The following IMMP2L variants were observed in gnomAD, a reference collection of about 807,000 sequenced individuals.
IMMP2L encodes mitochondrial inner membrane protease subunit 2.
IMMP2L carries 18 observed loss-of-function variants against 19.3 expected under a neutral mutation model. The ratio of observed to expected loss-of-function variants is 0.93; its 90% confidence interval spans 0.64 to 1.38. IMMP2L has a LOEUF of 1.38. Ranked by LOEUF, IMMP2L falls within the 40% of genes most tolerant of loss-of-function variation. The probability of loss-of-function intolerance (pLI) is 0.00; values close to 1 mark genes in which losing one functional copy is unlikely to be tolerated. For missense variants in IMMP2L, 233 were observed against 218.2 expected (o/e 1.07, Z -0.43); for synonymous variants, 76 against 73.0 (o/e 1.04, Z -0.21).
intron 3 of IMMP2L, among the ~76,000 whole-genome samples, chr7:111,344,730 A>G (rs994101541): frequency 9.8e-5 from 15 of 152,326 alleles, no homozygotes; most frequent in African/African-American, 3.4e-4. Flanking sequence ...CCGTTCATAC[A>G]TAAGTTACCT....
chr7:111,268,493 A>G (rs1358871825), intron 3 of IMMP2L, among the ~76,000 whole-genome samples: 1 of 149,770 alleles, frequency 6.7e-6, no homozygotes, highest in East Asian at 1.9e-4. Flanking sequence ...CTAATAAAAA[A>G]AAAAAAAAAA....
chr7:111,186,723 G>A (rs1400577612), intron 3 of IMMP2L, among the ~76,000 whole-genome samples: 5 of 152,060 alleles, frequency 3.3e-5, no homozygotes, highest in African/African-American at 1.2e-4. Flanking sequence ...GAGCCACCGT[G>A]CCCAGCCTCT....
chr7:110,964,576 T>C (rs1449607658), intron 3 of IMMP2L, among the ~76,000 whole-genome samples: 1 of 152,034 alleles, frequency 6.6e-6, no homozygotes, highest in Non-Finnish European at 1.5e-5. Flanking sequence ...AATTTTAACT[T>C]AGAGTAATAC....
chr7:110,833,455 AAG>A (rs1554431167), intron 5 of IMMP2L, among the ~76,000 whole-genome samples: 1,584 of 131,558 alleles, frequency 0.012, 256 homozygotes, highest in African/African-American at 0.022. Flanking sequence ...AAAAAAAAAA[AAG>A]AGAGAGAGAG....
At chr7:111,328,112 T>TA (rs1171546405) in intron 3 of IMMP2L, among the ~76,000 whole-genome samples, 1 of 151,762 alleles carries the variant, frequency 6.6e-6, no homozygotes, top group African/African-American at 2.4e-5. Context: ...GATCCAATCT[T>TA]ACTCAGAGAA....
At chr7:110,674,350 T>G (rs1423395480) in intron 5 of IMMP2L, among the ~76,000 whole-genome samples, 2 of 152,060 alleles carry the variant, frequency 1.3e-5, no homozygotes, top group African/African-American at 4.8e-5. Context: ...GAACTATAAT[T>G]CAAGATATGA....
At chr7:111,169,661 T>G (rs1185659724) in intron 3 of IMMP2L, among the ~76,000 whole-genome samples, 1 of 151,912 alleles carries the variant, frequency 6.6e-6, no homozygotes, top group Non-Finnish European at 1.5e-5. Flanking sequence ...CCCTGCTTTA[T>G]AAGAACACAG....
chr7:111,290,827 A>ACAC (rs1821020011), intron 3 of IMMP2L, among the ~76,000 whole-genome samples: 1 of 135,016 alleles, frequency 7.4e-6, no homozygotes, highest in African/African-American at 2.7e-5. Context: ...TATATATACA[A>ACAC]ACACACACAC....
chr7:111,439,542 GA>G (rs906591973), intron 3 of IMMP2L, among the ~76,000 whole-genome samples: 1 of 151,348 alleles, frequency 6.6e-6, no homozygotes. Context: ...TTGCATTATG[GA>G]AAAAAAAGTA....
intron 3 of IMMP2L, among the ~76,000 whole-genome samples, chr7:111,051,075 C>T (rs1225644754): frequency 1.3e-5 from 2 of 152,132 alleles, no homozygotes; most frequent in Admixed American, 6.5e-5. Context: ...AAGGTCAAGG[C>T]TGCAGTGAGC....
intron 3 of IMMP2L, among the ~76,000 whole-genome samples, chr7:111,147,106 A>G (rs1803559612): frequency 6.6e-6 from 1 of 152,032 alleles, no homozygotes; most frequent in South Asian, 2.1e-4. Flanking sequence ...CTTGTTTTAG[A>G]GACTCAATAT....
chr7:110,726,375 A>C (rs1159250654), intron 5 of IMMP2L, among the ~76,000 whole-genome samples: 1 of 152,182 alleles, frequency 6.6e-6, no homozygotes, highest in African/African-American at 2.4e-5. Context: ...AAAGCATGGA[A>C]ATCGATTTTA....
At chr7:111,008,976 C>T (rs190622880) in intron 3 of IMMP2L, among the ~76,000 whole-genome samples, 248 of 152,206 alleles carry the variant, frequency 1.6e-3, no homozygotes, top group African/African-American at 5.4e-3. Context: ...CATCCCCTGA[C>T]TAACTTACAT....
At chr7:111,164,141 GAGGA>G (rs148915362) in intron 3 of IMMP2L, among the ~76,000 whole-genome samples, 7,499 of 150,134 alleles carry the variant, frequency 0.05, 334 homozygotes, top group African/African-American at 0.12. Context: ...GAGAGGGAGA[GAGGA>G]AGGAAGGAAG....
intron 3 of IMMP2L, among the ~76,000 whole-genome samples, chr7:111,403,793 T>C (rs1833677981): frequency 6.6e-6 from 1 of 152,146 alleles, no homozygotes; most frequent in Non-Finnish European, 1.5e-5. Flanking sequence ...TTCTGTGTAA[T>C]ATTGTTAAAG....
intron 3 of IMMP2L, among the ~76,000 whole-genome samples, chr7:111,328,686 A>C (rs544039948): frequency 6.6e-6 from 1 of 151,950 alleles, no homozygotes; most frequent in East Asian, 1.9e-4. Context: ...ATAATGCTGA[A>C]GGGCAAGAGA....
chr7:110,880,889 T>C (rs1376898289), intron 5 of IMMP2L, among the ~76,000 whole-genome samples: 1 of 152,108 alleles, frequency 6.6e-6, no homozygotes. Context: ...GACATTCTTC[T>C]ATCTAAAAAT....
chr7:111,181,137 TG>T (rs763412202), intron 3 of IMMP2L, among the ~76,000 whole-genome samples: 26 of 152,046 alleles, frequency 1.7e-4, no homozygotes, highest in Non-Finnish European at 3.5e-4. Context: ...ATATTGTTTT[TG>T]TTGCCACTAG....
At chr7:111,377,769 C>T (rs1449790281) in intron 3 of IMMP2L, among the ~76,000 whole-genome samples, 1 of 151,978 alleles carries the variant, frequency 6.6e-6, no homozygotes, top group African/African-American at 2.4e-5. Context: ...ATACTCTAAA[C>T]TGTTTTAATC....
Sources: gnomAD v4.1 joint callset for allele counts (sites outside exome capture counted in the v4.1 genomes callset) on GRCh38, gnomAD v4.1.1 for gene constraint, MANE v1.5 for transcripts, NCBI Gene and HGNC (gene_info 2026-07-23, HGNC 2026-07-21) for gene names.